Variants in CSMD1 observed in about 807,000 individuals in gnomAD.
The protein encoded by CSMD1 is CUB and Sushi multiple domains 1, also known as CUB and sushi domain-containing protein 1.
Under a neutral mutation model 417.5 loss-of-function variants are expected in CSMD1, and 213 were observed. The ratio of observed to expected loss-of-function variants is 0.51; its 90% CI spans 0.46 to 0.57. The LOEUF (loss-of-function observed/expected upper bound fraction) is 0.57, where lower values mean the gene tolerates loss of function less well. Ranked by LOEUF, CSMD1 falls within the 20% of genes least tolerant of loss-of-function variation. The probability of loss-of-function intolerance (pLI) is 0.00; values close to 1 mark genes in which losing one functional copy is unlikely to be tolerated. For missense variants in CSMD1, 6,923 were observed against 4,529.7 expected (o/e 1.53, Z -15.17); for synonymous variants, 2,862 against 1,736.8 (o/e 1.65, Z -16.11).
intron 11 of CSMD1, among the ~76,000 whole-genome samples, chr8:3,488,035 G>A (rs931784889): frequency 4.1e-5 from 6 of 147,760 alleles, no homozygotes; most frequent in Non-Finnish European, 6.0e-5. Context: ...ACTTAGAAGA[G>A]GTGACTTTTT....
chr8:4,868,023 G>T (rs910531971), intron 1 of CSMD1, among the ~76,000 whole-genome samples: 1 of 151,936 alleles, frequency 6.6e-6, no homozygotes, highest in Non-Finnish European at 1.5e-5. Context: ...TGCGGAAATG[G>T]CTCTTGAAAA....
intron 29 of CSMD1, among the ~76,000 whole-genome samples, chr8:3,215,009 A>G (rs958846204): frequency 1.3e-5 from 2 of 152,306 alleles, no homozygotes; most frequent in South Asian, 2.1e-4. Flanking sequence ...ATTTTTGGCT[A>G]CAGATTTTAG....
intron 2 of CSMD1, among the ~76,000 whole-genome samples, chr8:4,540,589 A>G (rs535755098): frequency 6.6e-6 from 1 of 152,156 alleles, no homozygotes; most frequent in African/African-American, 2.4e-5. Flanking sequence ...AATTAAAGAT[A>G]ATAAGCACTA....
At chr8:4,263,100 G>A (rs1444142244) in intron 3 of CSMD1, among the ~76,000 whole-genome samples, 1 of 152,076 alleles carries the variant, frequency 6.6e-6, no homozygotes, top group Non-Finnish European at 1.5e-5. Context: ...TCATTTAAAA[G>A]CAGTATTATT....
chr8:3,881,033 A>G (rs901935539), intron 5 of CSMD1, among the ~76,000 whole-genome samples: 1 of 152,120 alleles, frequency 6.6e-6, no homozygotes, highest in Admixed American at 6.5e-5. Flanking sequence ...AATATCAATA[A>G]AGCCTCAACT....
intron 29 of CSMD1, among the ~76,000 whole-genome samples, chr8:3,217,164 C>A (rs1240104664): frequency 6.6e-6 from 1 of 152,056 alleles, no homozygotes; most frequent in Non-Finnish European, 1.5e-5. Flanking sequence ...TTTTTCCAGG[C>A]TACATGCAAT....
At chr8:3,993,367 G>A (rs1814909472) in intron 5 of CSMD1, among the ~76,000 whole-genome samples, 1 of 152,154 alleles carries the variant, frequency 6.6e-6, no homozygotes, top group Non-Finnish European at 1.5e-5. Flanking sequence ...TCCCTGGTTA[G>A]AAATTAAATA....
intron 2 of CSMD1, among the ~76,000 whole-genome samples, chr8:4,594,461 A>G (rs1800153475): frequency 6.6e-6 from 1 of 152,002 alleles, no homozygotes; most frequent in Non-Finnish European, 1.5e-5. Context: ...CAGCCTCCCA[A>G]AGTGCTGGGC....
intron 5 of CSMD1, among the ~76,000 whole-genome samples, chr8:3,981,060 G>A (rs558111331): frequency 2.0e-5 from 3 of 152,212 alleles, no homozygotes; most frequent in South Asian, 2.1e-4. Flanking sequence ...AGTCAAAAAC[G>A]CCCGTACTTG....
intron 1 of CSMD1, among the ~76,000 whole-genome samples, chr8:4,934,917 C>T (rs1807507068): frequency 6.6e-6 from 1 of 152,176 alleles, no homozygotes; most frequent in South Asian, 2.1e-4. Flanking sequence ...ATGTATCAAT[C>T]AGCAATCATC....
chr8:3,416,283 A>C (rs1813143557), intron 12 of CSMD1, among the ~76,000 whole-genome samples: 1 of 132,572 alleles, frequency 7.5e-6, no homozygotes, highest in African/African-American at 2.8e-5. Context: ...AGCCTGAGCC[A>C]CAGAGCCAGA....
intron 3 of CSMD1, among the ~76,000 whole-genome samples, chr8:4,288,311 C>A (rs75691402): frequency 1.3e-5 from 2 of 152,024 alleles, no homozygotes; most frequent in African/African-American, 4.8e-5. Context: ...ATTTTTGGGG[C>A]CACCCTGAAG....
At chr8:3,528,807 T>C (rs1373678730) in intron 10 of CSMD1, among the ~76,000 whole-genome samples, 1 of 152,146 alleles carries the variant, frequency 6.6e-6, no homozygotes, top group Non-Finnish European at 1.5e-5. Context: ...CTGGATAAAA[T>C]TATTACTGGA....
At chr8:4,774,365 G>C (rs1040809366) in intron 1 of CSMD1, among the ~76,000 whole-genome samples, 1 of 152,138 alleles carries the variant, frequency 6.6e-6, no homozygotes, top group Non-Finnish European at 1.5e-5. Flanking sequence ...AGTAAGATCA[G>C]AGAACCAAAG....
At chr8:4,568,342 T>C (rs879910491) in intron 2 of CSMD1, among the ~76,000 whole-genome samples, 1 of 152,174 alleles carries the variant, frequency 6.6e-6, no homozygotes, top group Non-Finnish European at 1.5e-5. Context: ...TTCTCATTGT[T>C]CCATTCCCAC....
intron 51 of CSMD1, among the ~76,000 whole-genome samples, chr8:3,025,453 CTTCTGAAACTGTGTATTGTGTGGTGTTA>C (rs1554492375): frequency 1.8e-5 from 2 of 110,494 alleles, no homozygotes; most frequent in Non-Finnish European, 2.0e-5. Context: ...GTGTGGTGTT[CTTCTGAAACTGTGTATTGTGTGGTGTTA>C]TTCTGAAACT....
chr8:4,164,273 TTTTC>T (rs1797330604), intron 3 of CSMD1, among the ~76,000 whole-genome samples: 1 of 152,138 alleles, frequency 6.6e-6, no homozygotes, highest in Non-Finnish European at 1.5e-5. Context: ...AAAAGATTAA[TTTTC>T]TTTAATGGAT....
chr8:3,679,675 C>T (rs1799553536), intron 7 of CSMD1, among the ~76,000 whole-genome samples: 2 of 152,234 alleles, frequency 1.3e-5, no homozygotes, highest in Non-Finnish European at 2.9e-5. Flanking sequence ...GAGCTCTGCA[C>T]CAAGCAGACC....
chr8:3,570,028 T>A (rs1799880324), intron 10 of CSMD1, among the ~76,000 whole-genome samples: 3 of 152,142 alleles, frequency 2.0e-5, no homozygotes, highest in Non-Finnish European at 2.9e-5. Flanking sequence ...TACACAAAGA[T>A]GAGAGAGAAA....
Sources: gnomAD v4.1 joint callset for allele counts (sites outside exome capture counted in the v4.1 genomes callset) on GRCh38, gnomAD v4.1.1 for gene constraint, MANE v1.5 for transcripts, NCBI Gene and HGNC (gene_info 2026-07-23, HGNC 2026-07-21) for gene names.